The following CNTNAP2 variants were observed in gnomAD, a reference collection of about 807,000 sequenced individuals.
CNTNAP2 encodes the protein contactin-associated protein-like 2.
Under a neutral mutation model 155.2 loss-of-function variants are expected in CNTNAP2, and 98 were observed. The ratio of observed to expected loss-of-function variants is 0.63; its 90% confidence interval spans 0.54 to 0.75. The LOEUF (loss-of-function observed/expected upper bound fraction) is 0.75. CNTNAP2 is among the 30% of genes least tolerant of loss of function. The probability of loss-of-function intolerance (pLI) is 0.00; values close to 1 mark genes in which losing one functional copy is unlikely to be tolerated. For missense variants in CNTNAP2, 1,727 were observed against 1,688.1 expected, an observed-to-expected ratio of 1.02 and a Z score of -0.40; for synonymous variants, 651 against 631.2, an observed-to-expected ratio of 1.03 and a Z score of -0.47.
At position 147,162,667 on chromosome 7, in the gene CNTNAP2, A is replaced by C. The variant is rs540610946; in HGVS notation, c.1348+30158A>C. 2.4e-4 allele frequency among the ~76,000 whole-genome samples: 37 copies of C among 152,308 alleles called. No individual in the cohort carries two copies. The South Asian group carries it at 6.2e-3, about 26-fold the overall frequency. ...TGTTAGGTTTGGGAGCTGTTGTAGTAGTTAACCAGCACCCTCAAAGCATTA... is the reference window on the plus strand; with the variant it reads ...TGTTAGGTTTGGGAGCTGTTGTAGTCGTTAACCAGCACCCTCAAAGCATTA... On this transcript the variant is annotated intron_variant, in intron 8 of 23. Coordinates refer to ENST00000361727, the MANE Select transcript of CNTNAP2 (RefSeq NM_014141.6).
intron 21 of CNTNAP2, among the ~76,000 whole-genome samples, chr7:148,321,641 G>GAGCAGTCT (rs145907215): frequency 0.014 from 2,141 of 152,292 alleles, 55 homozygotes; most frequent in African/African-American, 0.048. Context: ...CCCAGCAAAA[G>GAGCAGTCT]AGCAGTCTCT....
At chr7:146,145,683 T>C (rs1033699026) in intron 1 of CNTNAP2, among the ~76,000 whole-genome samples, 2 of 152,262 alleles carry the variant, frequency 1.3e-5, no homozygotes, top group Admixed American at 1.3e-4. Context: ...TATAGTTCTA[T>C]TTCTAGGAAT....
chr7:146,665,788 A>AAAAAAAAAAAAAAAAAAAAAAAAAC (rs1328734569), intron 1 of CNTNAP2, among the ~76,000 whole-genome samples: 51 of 142,102 alleles, frequency 3.6e-4, no homozygotes, highest in African/African-American at 4.3e-4. Flanking sequence ...CTCATTAAAA[A>AAAAAAAAAAAAAAAAAAAAAAAAAC]AAAAAAAAAA....
intron 1 of CNTNAP2, among the ~76,000 whole-genome samples, chr7:146,725,212 C>T (rs1055773094): frequency 3.9e-5 from 6 of 152,124 alleles, no homozygotes; most frequent in Non-Finnish European, 8.8e-5. Context: ...TTAGGGTCTG[C>T]CCGAATCCAG....
chr7:146,903,900 G>A (rs539696944), intron 3 of CNTNAP2, among the ~76,000 whole-genome samples: 1 of 152,232 alleles, frequency 6.6e-6, no homozygotes, highest in South Asian at 2.1e-4. Context: ...ATAAATTGGT[G>A]AGGTCATAGA....
intron 21 of CNTNAP2, among the ~76,000 whole-genome samples, chr7:148,327,898 C>T (rs1797920427): frequency 6.6e-6 from 1 of 152,146 alleles, no homozygotes; most frequent in African/African-American, 2.4e-5. Flanking sequence ...ACTGGATCCA[C>T]TCACATGGAT....
At chr7:147,967,460 T>C (rs188102571) in intron 14 of CNTNAP2, among the ~76,000 whole-genome samples, 3 of 152,276 alleles carry the variant, frequency 2.0e-5, no homozygotes, top group Non-Finnish European at 2.9e-5. Flanking sequence ...CTCTGAAAAA[T>C]GAGGGTAGTA....
chr7:147,098,773 A>G (rs1344656316), intron 4 of CNTNAP2, among the ~76,000 whole-genome samples: 1 of 152,182 alleles, frequency 6.6e-6, no homozygotes, highest in Admixed American at 6.5e-5. Flanking sequence ...CTACCGTGAA[A>G]AGATACTAAT....
intron 1 of CNTNAP2, among the ~76,000 whole-genome samples, chr7:146,690,509 A>G (rs1800680172): frequency 6.6e-6 from 1 of 152,152 alleles, no homozygotes; most frequent in South Asian, 2.1e-4. Flanking sequence ...GTTTCTCCAG[A>G]TTAAAGTCAC....
At chr7:146,247,581 G>T (rs909308625) in intron 1 of CNTNAP2, among the ~76,000 whole-genome samples, 1 of 152,144 alleles carries the variant, frequency 6.6e-6, no homozygotes, top group Admixed American at 6.5e-5. Flanking sequence ...ACATGTAAAA[G>T]AGTGCCTGGA....
Position 148,415,463 on chromosome 7 carries a change from C to T in CNTNAP2, c.3843C>T (p.Phe1281=). The T allele has an allele frequency of 6.2e-7, 1 of 1,614,192 alleles. No individual in the cohort carries two copies. Among genetic ancestry groups the T allele is most frequent in the South Asian group, 1.1e-5 (1 of 91,084 alleles). ...TCACCATCCTGTGCACCCTGGTCTT[C>T]CTGATCCGGTACATGTTCCGCCACA... is the stretch of plus-strand genomic sequence containing the variant. ...VIFTILCTLV[F]LIRYMFRHKG... is the part of the protein sequence containing the mutation. The change falls in exon 24 of 24, where the codon TTC becomes TTT. Residue 1281 remains phenylalanine (F), a synonymous_variant. Coordinates refer to ENST00000361727, the MANE Select transcript of CNTNAP2 (RefSeq NM_014141.6).
At chr7:146,367,358 A>G (rs1356201821) in intron 1 of CNTNAP2, among the ~76,000 whole-genome samples, 3 of 152,190 alleles carry the variant, frequency 2.0e-5, no homozygotes, top group African/African-American at 4.8e-5. Flanking sequence ...CTATGCCTGC[A>G]TGATTCAGAA....
intron 1 of CNTNAP2, among the ~76,000 whole-genome samples, chr7:146,545,175 T>C (rs1290475833): frequency 6.6e-6 from 1 of 151,884 alleles, no homozygotes; most frequent in Non-Finnish European, 1.5e-5. Flanking sequence ...GATGAAATCA[T>C]TAGCCCTTGC....
chr7:146,698,678 A>G (rs1412434414), intron 1 of CNTNAP2, among the ~76,000 whole-genome samples: 5 of 152,106 alleles, frequency 3.3e-5, no homozygotes, highest in African/African-American at 9.7e-5. Flanking sequence ...TCGAAAAAGC[A>G]TCAGCATTAT....
intron 1 of CNTNAP2, among the ~76,000 whole-genome samples, chr7:146,707,491 G>A (rs1800986518): frequency 6.6e-6 from 1 of 152,034 alleles, no homozygotes; most frequent in Non-Finnish European, 1.5e-5. Context: ...TTTTTGTTGG[G>A]ATTTTTTTTG....
intron 11 of CNTNAP2, among the ~76,000 whole-genome samples, chr7:147,497,555 C>T (rs1436351677): frequency 1.3e-5 from 2 of 152,166 alleles, no homozygotes; most frequent in Non-Finnish European, 2.9e-5. Flanking sequence ...AAAGAAATAC[C>T]TCTAAGAATT....
intron 10 of CNTNAP2, among the ~76,000 whole-genome samples, chr7:147,453,114 C>G (rs1046507556): frequency 4.6e-5 from 7 of 152,124 alleles, no homozygotes; most frequent in African/African-American, 1.4e-4. Flanking sequence ...CCCTCTTTTT[C>G]CCTTTCTCCT....
intron 3 of CNTNAP2, among the ~76,000 whole-genome samples, chr7:147,002,980 A>T (rs1361994531): frequency 1.3e-5 from 2 of 151,562 alleles, no homozygotes; most frequent in African/African-American, 4.8e-5. Flanking sequence ...AGAAGCAGCA[A>T]ACTGGAAAAG....
intron 13 of CNTNAP2, among the ~76,000 whole-genome samples, chr7:147,856,162 T>G (rs932242706): frequency 5.3e-5 from 8 of 151,810 alleles, no homozygotes; most frequent in African/African-American, 1.9e-4. Flanking sequence ...CCCTGCTGCC[T>G]CCTGGAGCCC....
Sources: gnomAD v4.1 joint callset for allele counts (sites outside exome capture counted in the v4.1 genomes callset) on GRCh38, gnomAD v4.1.1 for gene constraint, MANE v1.5 for transcripts, NCBI Gene and HGNC (gene_info 2026-07-23, HGNC 2026-07-21) for gene names.